SPOCK1: variants seen among roughly 807,000 people sequenced by gnomAD.
SPOCK1 encodes SPARC (osteonectin), cwcv and kazal like domains proteoglycan 1, also known as testican-1.
In SPOCK1, 23 loss-of-function variants were observed where a neutral mutation model predicts 55.3. The observed-to-expected ratio is 0.42, with a 90% CI of 0.30 to 0.59. The LOEUF is 0.59. Among genes scored for constraint, SPOCK1 ranks in the 20% least tolerant of loss-of-function variants. The pLI is 0.22. For synonymous variants in SPOCK1, 226 were observed against 221.0 expected, an observed-to-expected ratio of 1.02 and a Z score of -0.20; for missense variants, 499 against 552.5, an observed-to-expected ratio of 0.90 and a Z score of 0.97.
rs558657279 is a variant in SPOCK1, at chr5:137,239,334, T to C, written c.232+27676A>G. Among the ~76,000 whole-genome samples, 198 of 152,370 alleles carry C rather than the reference T, an allele frequency of 1.3e-3. 3 individuals carry two copies. The highest frequency in any genetic ancestry group is 1.5e-4 in the Non-Finnish European group (10 of 68,040). On this transcript the variant is annotated intron_variant, in intron 3 of 10. Coordinates refer to ENST00000394945, the MANE Select transcript of SPOCK1 (RefSeq NM_004598.4). ...GGGATCATTCTAGACCCTTGCCCTATGTATCTCTTCATCCGGACTTTCATT... is the reference window on the plus strand; with the variant it reads ...GGGATCATTCTAGACCCTTGCCCTACGTATCTCTTCATCCGGACTTTCATT...
At chr5:137,332,220 C>T (rs200620746) in intron 2 of SPOCK1, among the ~76,000 whole-genome samples, 4 of 152,144 alleles carry the variant, frequency 2.6e-5, no homozygotes, top group East Asian at 1.9e-4. Context: ...GACACTCCCC[C>T]CCAGCCCTCT....
At chr5:137,082,001 C>A (rs188231601) in intron 5 of SPOCK1, among the ~76,000 whole-genome samples, 14 of 152,340 alleles carry the variant, frequency 9.2e-5, no homozygotes, top group Non-Finnish European at 1.8e-4. Context: ...TCTCCCAGAG[C>A]CTGATGAAAG....
intron 9 of SPOCK1, among the ~76,000 whole-genome samples, chr5:136,983,619 C>CAA (rs11364379): frequency 1.5e-4 from 20 of 135,340 alleles, no homozygotes; most frequent in African/African-American, 3.9e-4. Context: ...CTCCTTGGAC[C>CAA]AAAAAAAAAA....
At chr5:137,078,614 C>G (rs1313706276) in intron 5 of SPOCK1, among the ~76,000 whole-genome samples, 1 of 152,168 alleles carries the variant, frequency 6.6e-6, no homozygotes, top group Non-Finnish European at 1.5e-5. Flanking sequence ...ATTTACATAA[C>G]CTGTCCAAGT....
intron 6 of SPOCK1, among the ~76,000 whole-genome samples, chr5:137,059,580 A>G (rs57376923): frequency 0.013 from 1,985 of 152,340 alleles, 38 homozygotes; most frequent in African/African-American, 0.044. Flanking sequence ...AATTGCAACA[A>G]AAACAAAAAT....
chr5:137,186,162 C>A (rs2127067291), intron 3 of SPOCK1, among the ~76,000 whole-genome samples: 1 of 152,308 alleles, frequency 6.6e-6, no homozygotes, highest in South Asian at 2.1e-4. Context: ...AGTCCCATAT[C>A]CCCCTTCAGA....
chr5:137,116,075 C>T (rs1250484177), intron 4 of SPOCK1, among the ~76,000 whole-genome samples: 8 of 152,108 alleles, frequency 5.3e-5, no homozygotes, highest in East Asian at 1.9e-4. Flanking sequence ...CATTGGCCAG[C>T]GAGCCCTAAA....
rs751637766 is a variant in SPOCK1 at position 137,267,048 on chromosome 5, T to C, written c.194A>G (p.Tyr65Cys). 1 of 1,612,734 alleles carries C rather than the reference T, an allele frequency of 6.2e-7. No homozygotes were observed. The highest frequency in any genetic ancestry group is 8.5e-7 in the Non-Finnish European group (1 of 1,178,864). Residue 65 changes from tyrosine to cysteine, a missense_variant, in exon 3 of 11, where the codon TAT (tyrosine) becomes TGT (cysteine). Tyr to Cys is a radical substitution (Grantham distance 194, BLOSUM62 -2). Transcript: ENST00000394945. ...KYWNRFRDDD[Y>C]FRNWNPNKPF... ...CTTGTTGGGATTCCAGTTTCTGAAA[T>C]AATCATCCTATATAAGGAAAAAATA...
intron 2 of SPOCK1, among the ~76,000 whole-genome samples, chr5:137,471,706 T>C: frequency 6.6e-6 from 1 of 152,136 alleles, no homozygotes; most frequent in South Asian, 2.1e-4. Context: ...AGGCCAGCAG[T>C]CAGCAGATCA....
At chr5:137,280,141 C>A (rs1361783185) in intron 2 of SPOCK1, among the ~76,000 whole-genome samples, 1 of 152,258 alleles carries the variant, frequency 6.6e-6, no homozygotes, top group African/African-American at 2.4e-5. Context: ...GGAAGAGGAA[C>A]AACCAGGGTT....
intron 2 of SPOCK1, among the ~76,000 whole-genome samples, chr5:137,418,938 G>A (rs151182682): frequency 0.16 from 24,687 of 152,032 alleles, 2,238 homozygotes; most frequent in Admixed American, 0.27. Flanking sequence ...TTTTAGGTCT[G>A]ACATTTAAGT....
chr5:137,347,565 C>A (rs1417401490), intron 2 of SPOCK1, among the ~76,000 whole-genome samples: 1 of 152,004 alleles, frequency 6.6e-6, no homozygotes, highest in Non-Finnish European at 1.5e-5. Flanking sequence ...ACTAAAAATA[C>A]AAAAAATTAG....
At chr5:136,995,445 C>T (rs1429764314) in intron 6 of SPOCK1, among the ~76,000 whole-genome samples, 3 of 152,140 alleles carry the variant, frequency 2.0e-5, no homozygotes, top group Non-Finnish European at 4.4e-5. Flanking sequence ...CTCAGAACCT[C>T]GGGGCCCTAG....
intron 2 of SPOCK1, among the ~76,000 whole-genome samples, chr5:137,285,879 GT>G (rs150931048): frequency 1.3e-4 from 19 of 149,270 alleles, no homozygotes; most frequent in East Asian, 3.9e-4. Context: ...CAGCACAATT[GT>G]TTTTTTTTTC....
intron 2 of SPOCK1, among the ~76,000 whole-genome samples, chr5:137,451,718 ACTTGAAAT>A (rs1241349298): frequency 1.3e-5 from 2 of 152,224 alleles, no homozygotes; most frequent in Non-Finnish European, 2.9e-5. Context: ...TTATGCCTCC[ACTTGAAAT>A]CTTAATCCTA....
In SPOCK1 at chr5:136,999,437, T is replaced by G. The variant is rs185977368; in HGVS notation, c.590-6837A>C. On this transcript the variant is annotated intron_variant, in intron 6 of 10. Transcript: ENST00000394945. Reference sequence around the variant, plus strand: ...TCCCTCAGACAAAACCAGGGGCTAGTGAAGAGCTGGTGAGGAAGTTTCAAA... The same window carrying G: ...TCCCTCAGACAAAACCAGGGGCTAGGGAAGAGCTGGTGAGGAAGTTTCAAA... Among the ~76,000 whole-genome samples the G allele has an allele frequency of 3.6e-3, 555 of 152,128 alleles. 4 individuals carry two copies. Among genetic ancestry groups the G allele is most frequent in the Non-Finnish European group, 6.8e-3 (460 of 67,976 alleles).
At chr5:136,991,320 GA>G (rs1750943405) in intron 7 of SPOCK1, among the ~76,000 whole-genome samples, 1 of 151,726 alleles carries the variant, frequency 6.6e-6, no homozygotes, top group South Asian at 2.1e-4. Context: ...CCACTTTGGA[GA>G]CACTTAAATG....
chr5:137,037,840 G>A lies in SPOCK1; in HGVS notation c.589+29875C>T, dbSNP rs568647653. On this transcript the variant is annotated intron_variant, in intron 6 of 10. Transcript: ENST00000394945. ...CAGCTGAGCAGGGAGAGGTGACCCA[G>A]GGGTGCTGGTCTCATTCACGTGGGT... Among the ~76,000 whole-genome samples the A allele has an allele frequency of 2.6e-5, 4 of 152,340 alleles. No individual in the cohort carries two copies. The East Asian group carries it at 7.7e-4, about 29-fold the overall frequency.
chr5:136,980,275 C>A (rs762870422), intron 9 of SPOCK1, among the ~76,000 whole-genome samples: 18 of 150,814 alleles, frequency 1.2e-4, no homozygotes, highest in Non-Finnish European at 1.6e-4. Flanking sequence ...CACTTTAAAT[C>A]TTGAATGGGT....
Sources: gnomAD v4.1 joint callset for allele counts (sites outside exome capture counted in the v4.1 genomes callset) on GRCh38, gnomAD v4.1.1 for gene constraint, MANE v1.5 for transcripts, NCBI Gene and HGNC (gene_info 2026-07-23, HGNC 2026-07-21) for gene names.